TSC1: variants seen among roughly 807,000 people sequenced by gnomAD.
The protein encoded by TSC1 is hamartin.
Under a neutral mutation model 124.3 loss-of-function variants are expected in TSC1, and 20 were observed. The observed-to-expected ratio is 0.16, with a 90% CI of 0.11 to 0.23. TSC1 has a LOEUF of 0.23. TSC1 is among the 10% of genes least tolerant of loss of function. The pLI is 1.00. For missense variants in TSC1, 1,124 were observed against 1,448.5 expected (o/e 0.78, Z 3.64); for synonymous variants, 493 against 539.1 (o/e 0.91, Z 1.19).
chr9:132,911,806 T>G (rs2131987697), intron 9 of TSC1, among the ~76,000 whole-genome samples: 1 of 152,306 alleles, frequency 6.6e-6, no homozygotes, highest in Non-Finnish European at 1.5e-5. Context: ...GATGTCTCAT[T>G]AAGCCTCAAG....
At chr9:132,930,587 C>CAAAAAAA (rs58163733) in intron 2 of TSC1, among the ~76,000 whole-genome samples, 22 of 45,214 alleles carry the variant, frequency 4.9e-4, no homozygotes, top group South Asian at 1.3e-3. Flanking sequence ...GACTCTGCCT[C>CAAAAAAA]AAAAAAAAAA....
chr9:132,903,715 C>T lies in TSC1; in HGVS notation c.2144G>A (p.Arg715Gln), dbSNP rs986350787. 3.1e-6 allele frequency: 5 copies of T among 1,613,206 alleles called. No homozygotes were observed. Among genetic ancestry groups the T allele is most frequent in the East Asian group, 2.2e-5 (1 of 44,868 alleles). The stretch of plus-strand genomic sequence containing the variant: ...CACCTTGCGGAGGAGCCGCCTGTTC[C>T]GGAGGGCATGCTGCTGCCTCTTAAA... The part of the protein sequence containing the change: ...ERFKRQQHAL[R>Q]NRRLLRKVIK... The change falls in exon 17 of 23, where the codon CGG becomes CAG. Residue 715 changes from arginine to glutamine, a missense_variant. Physicochemically the swap from Arg to Gln is conservative, Grantham distance 43 (BLOSUM62 1). Coordinates refer to ENST00000298552, the MANE Select transcript of TSC1 (RefSeq NM_000368.5). This position sits in a 1 kb window ranked among gnomAD's most constrained non-coding sequence, Gnocchi z 5.9.
At chr9:132,939,640 A>C (rs1169963235) in intron 1 of TSC1, among the ~76,000 whole-genome samples, 1 of 152,268 alleles carries the variant, frequency 6.6e-6, no homozygotes, top group African/African-American at 2.4e-5. Flanking sequence ...TACTAAGATA[A>C]TACAGGCCAA....
chr9:132,921,730 T>A lies in TSC1; in HGVS notation c.663+89A>T. 1 of 1,542,582 alleles carries A rather than the reference T, an allele frequency of 6.5e-7. No individual in the cohort carries two copies. Among genetic ancestry groups the A allele is most frequent in the Non-Finnish European group, 8.9e-7 (1 of 1,118,626 alleles). ...GAAAACTGAATTTCTTTTCAAAATT[T>A]CCCTGTCTGCCGTTAAATACAAAAG... is the stretch of plus-strand genomic sequence containing the variant. On this transcript the variant is annotated intron_variant, in intron 7 of 22. Coordinates refer to ENST00000298552, the MANE Select transcript of TSC1 (RefSeq NM_000368.5). The surrounding 1 kb of genome is among the most constrained non-coding windows in gnomAD (Gnocchi z 4.3).
At chr9:132,928,585 T>G (rs1349272029) in intron 3 of TSC1, among the ~76,000 whole-genome samples, 182 bp downstream of exon 3, 1 of 152,202 alleles carries the variant, frequency 6.6e-6, no homozygotes, top group Non-Finnish European at 1.5e-5. Context: ...TCTTACTTCA[T>G]GTGTGTGCAT....
At position 132,915,148 on chromosome 9, in the gene TSC1, G is replaced by A. The variant is rs969813280; in HGVS notation, c.738-2691C>T. ...CTGCCATGAGCCATGCTGTACCACT[G>A]CACTCCAGCCTGGGCAACAGAGCAA... On this transcript the variant is annotated intron_variant, in intron 8 of 22. Coordinates refer to ENST00000298552, the MANE Select transcript of TSC1 (RefSeq NM_000368.5). Among the ~76,000 whole-genome samples the A allele has an allele frequency of 2.0e-5, 3 of 151,720 alleles. No homozygotes were observed. In the East Asian group the frequency reaches 5.8e-4, roughly 29 times the overall value.
Position 132,912,381 on chromosome 9 carries a change from C to T in TSC1, c.814G>A (p.Glu272Lys), listed in dbSNP as rs397514872. 2 of 1,614,218 alleles carry T rather than the reference C, an allele frequency of 1.2e-6. No homozygotes were observed. Among genetic ancestry groups the T allele is most frequent in the South Asian group, 2.2e-5 (2 of 91,090 alleles). ...TGGTGAGACACAGAATAGCCATCTTCATATGAGGCTTCTGTGGGATCCAGA... is the reference window on the plus strand; with the variant it reads ...TGGTGAGACACAGAATAGCCATCTTTATATGAGGCTTCTGTGGGATCCAGA... ...ISLDPTEASY[E>K]DGYSVSHQIS... is the part of the protein sequence containing the mutation. Residue 272 changes from glutamate to lysine, a missense_variant, in exon 9 of 23, where the codon GAA becomes AAA. This residue lies in a region of TSC1 where 463 missense variants were observed against 606.8 expected (regional missense o/e 0.76). Transcript: ENST00000298552.
rs11349075 is a variant in TSC1 at position 132,906,548 on chromosome 9, C to CAA, written c.1438+181_1438+182dup. On this transcript the variant is annotated intron_variant, in intron 14 of 22. Coordinates refer to ENST00000298552, the MANE Select transcript of TSC1 (RefSeq NM_000368.5). The surrounding 1 kb of genome is among the most constrained non-coding windows in gnomAD (Gnocchi z 4.1). ...AGGGTGACAGAGCAAGACCCTGTCT[C>CAA]AAAAAAAAAAAAAAAAAAAGTGGCA... 9.9e-3 allele frequency: 4,072 copies of CAA among 409,802 alleles called. No individual in the cohort carries two copies. The highest frequency in any genetic ancestry group is 0.014 in the East Asian group (332 of 23,110). The allele number at this position is 409,802 out of a possible 1,614,324, so 25.4% of individuals were successfully genotyped here.
Position 132,944,567 on chromosome 9 carries a change from T to C in TSC1, c.-168A>G. On this transcript the variant is annotated 5_prime_UTR_variant, in exon 1 of 23. Transcript: ENST00000298552. ...CCCACCGTCTCCTCCCCCTCAGCTG[T>C]TTACCTCACAGTCCCTCCAGCCTAC... 2.5e-6 allele frequency: 1 copy of C among 398,660 alleles called. No individual in the cohort carries two copies. 24.7% of individuals were successfully genotyped at this position (398,660 alleles called of 1,614,324 possible).
intron 1 of TSC1, among the ~76,000 whole-genome samples, chr9:132,935,454 G>A (rs1847409669): frequency 6.6e-6 from 1 of 152,206 alleles, no homozygotes; most frequent in Admixed American, 6.5e-5. Context: ...TTTATCTTAA[G>A]TCTCCAATGT....
In TSC1 at chr9:132,907,283, G is replaced by A. The variant is rs1564483867; in HGVS notation, c.1333+18C>T. ...TTAGAAGAGGCAAGCAAGGCCTGTA[G>A]TAACGCAGAAATTTTACCTGATCCT... On this transcript the variant is annotated intron_variant, in intron 13 of 22. Transcript: ENST00000298552. The A allele has an allele frequency of 6.2e-7, 1 of 1,610,130 alleles. No individual in the cohort carries two copies. The highest frequency in any genetic ancestry group is 8.5e-7 in the Non-Finnish European group (1 of 1,176,386).
At chr9:132,897,104 T>G in intron 22 of TSC1, 80 bp downstream of exon 22, 6 of 1,604,784 alleles carry the variant, frequency 3.7e-6, no homozygotes, top group Non-Finnish European at 5.1e-6. Context: ...CAGTAACTGC[T>G]TCCCACACCA....
In TSC1 at chr9:132,902,811, CA is replaced by C. The variant is rs1564477641; in HGVS notation, c.2209-25del. ...TTCTAGCAGAGACCAGAAATGTCAT[CA>C]TTTTAGCTGTCTTCCAACACAGGCA... is the stretch of plus-strand genomic sequence containing the variant. On this transcript the variant is annotated intron_variant, in intron 17 of 22. Transcript: ENST00000298552. The surrounding 1 kb of genome is among the most constrained non-coding windows in gnomAD (Gnocchi z 5.2). 1.9e-6 allele frequency: 3 copies of C among 1,612,468 alleles called. No individual in the cohort carries two copies. In the Admixed American group the frequency reaches 5.0e-5, roughly 27 times the overall value.
intron 11 of TSC1, 87 bp downstream of exon 11, chr9:132,910,915 T>A (rs1322224921): frequency 7.3e-7 from 1 of 1,364,198 alleles, no homozygotes; most frequent in Admixed American, 1.7e-5. Flanking sequence ...CAACAGCAAG[T>A]GGTCCCTTAG....
At chr9:132,916,641 C>T (rs1283493284) in intron 8 of TSC1, among the ~76,000 whole-genome samples, 1 of 152,186 alleles carries the variant, frequency 6.6e-6, no homozygotes, top group East Asian at 1.9e-4. Flanking sequence ...TTCTCTTCCT[C>T]ACTTTTTTGT....
Position 132,906,028 on chromosome 9 carries a change from C to T in TSC1, c.1550G>A (p.Arg517Gln), listed in dbSNP as rs371908551. 7.4e-6 allele frequency: 12 copies of T among 1,613,896 alleles called. No homozygotes were observed. Among genetic ancestry groups the T allele is most frequent in the Admixed American group, 3.3e-5 (2 of 59,988 alleles). ...FYRDSLPGSQ[R>Q]KTHSAASSSQ... is the part of the protein sequence containing the mutation. ...ACTGGAGGCTGCCGAGTGGGTCTTCCGCTGAGAACCTGGGAGACTGTCTCG... is the reference window on the plus strand; with the variant it reads ...ACTGGAGGCTGCCGAGTGGGTCTTCTGCTGAGAACCTGGGAGACTGTCTCG... Residue 517 changes from arginine (R) to glutamine (Q), a missense_variant, in exon 15 of 23, where the codon CGG (arginine) becomes CAG (glutamine). Arg to Gln is a conservative substitution (Grantham distance 43). Coordinates refer to ENST00000298552, the MANE Select transcript of TSC1 (RefSeq NM_000368.5). The surrounding 1 kb of genome is among the most constrained non-coding windows in gnomAD (Gnocchi z 4.1).
rs1588325085 is a variant in TSC1 at position 132,911,588 on chromosome 9, C to G, written c.914-20G>C. On this transcript the variant is annotated intron_variant, in intron 9 of 22. Transcript: ENST00000298552. ...CACACCCTAAAATGGAAGAGAAGAA[C>G]ACAGGGGGTTAGTGTGTGGTTTTAG... is the stretch of plus-strand genomic sequence containing the variant. 3.7e-6 allele frequency: 3 copies of G among 802,310 alleles called. No homozygotes were observed. The highest frequency in any genetic ancestry group is 5.5e-6 in the Non-Finnish European group (3 of 541,748). The allele number at this position is 802,310 out of a possible 1,614,324, so 49.7% of individuals were successfully genotyped here.
chr9:132,910,393 C>T, intron 12 of TSC1, 178 bp downstream of exon 12: 1 of 1,174,364 alleles, frequency 8.5e-7, no homozygotes. Flanking sequence ...TGGAACCACC[C>T]AGGGGTCGGC....
In TSC1 at chr9:132,921,810, T is replaced by C. The variant is rs1240986386; in HGVS notation, c.663+9A>G. The C allele has an allele frequency of 6.2e-7, 1 of 1,614,166 alleles. No homozygotes were observed. Among genetic ancestry groups the C allele is most frequent in the East Asian group, 2.2e-5 (1 of 44,878 alleles). ...CTAAGTAGCAAACAAACAAGCAGTTTCAATTTACCTTGACCACTTCTTCAA... is the reference window on the plus strand; with the variant it reads ...CTAAGTAGCAAACAAACAAGCAGTTCCAATTTACCTTGACCACTTCTTCAA... On this transcript the variant is annotated intron_variant, in intron 7 of 22. Coordinates refer to ENST00000298552, the MANE Select transcript of TSC1 (RefSeq NM_000368.5). The surrounding 1 kb of genome is among the most constrained non-coding windows in gnomAD (Gnocchi z 4.3).
Sources: allele counts gnomAD v4.1 joint callset (sites outside exome capture counted in the v4.1 genomes callset), GRCh38; gene constraint gnomAD v4.1.1; regional missense constraint gnomAD v4.1.1; non-coding constraint Gnocchi (gnomAD v3.1); transcripts MANE v1.5; gene names NCBI Gene and HGNC (gene_info 2026-07-23, HGNC 2026-07-21).